TRHDE: variants seen among roughly 807,000 people sequenced by gnomAD.
TRHDE encodes thyrotropin releasing hormone degrading enzyme, also known as thyrotropin-releasing hormone-degrading ectoenzyme.
TRHDE carries 72 observed loss-of-function variants against 125.7 expected under a neutral mutation model. The observed-to-expected ratio is 0.57, with a 90% CI of 0.47 to 0.70. The LOEUF (loss-of-function observed/expected upper bound fraction) is 0.70, where lower values mean the gene tolerates loss of function less well. TRHDE is among the 30% of genes least tolerant of loss of function. The pLI is 0.00. For synonymous variants in TRHDE, 509 were observed against 509.1 expected, an observed-to-expected ratio of 1.00 and a Z score of 0.00; for missense variants, 1,110 against 1,327.1, an observed-to-expected ratio of 0.84 and a Z score of 2.54.
chr12:72,175,002 A>G (rs1876956423), intron 2 of TRHDE, among the ~76,000 whole-genome samples: 1 of 151,812 alleles, frequency 6.6e-6, no homozygotes, highest in Non-Finnish European at 1.5e-5. Context: ...TTGTGGTAAG[A>G]ACACAACCTG....
chr12:72,089,187 G>A (rs1874735525), intron 1 of TRHDE, among the ~76,000 whole-genome samples: 1 of 152,036 alleles, frequency 6.6e-6, no homozygotes, highest in African/African-American at 2.4e-5. Flanking sequence ...CCTAAAACCA[G>A]CCACTTCTCA....
chr12:72,259,118 T>C (rs553728771), intron 2 of TRHDE, among the ~76,000 whole-genome samples: 18 of 152,298 alleles, frequency 1.2e-4, no homozygotes, highest in Admixed American at 2.0e-4. Context: ...TTTATTGATG[T>C]CTTGCTTGAA....
intron 6 of TRHDE, among the ~76,000 whole-genome samples, chr12:72,504,146 ATCATTCTTTAGAGGAAGC>A (rs1878267018): frequency 6.6e-6 from 1 of 152,118 alleles, no homozygotes; most frequent in African/African-American, 2.4e-5. Flanking sequence ...AAACAAGAAA[ATCATTCTTTAGAGGAAGC>A]TCAGAAAAGA....
At chr12:72,110,112 T>C (rs537552715) in intron 2 of TRHDE, among the ~76,000 whole-genome samples, 15 of 152,204 alleles carry the variant, frequency 9.9e-5, no homozygotes, top group African/African-American at 3.4e-4. Context: ...ACACTATCAC[T>C]GGGAATCTGC....
intron 12 of TRHDE, among the ~76,000 whole-genome samples, chr12:72,603,130 A>G (rs749599286): frequency 2.2e-4 from 34 of 152,214 alleles, no homozygotes; most frequent in Non-Finnish European, 3.2e-4. Context: ...AATAAAGAAG[A>G]GATAAGGAAA....
At chr12:72,427,296 T>G (rs979472092) in intron 3 of TRHDE, among the ~76,000 whole-genome samples, 1 of 152,072 alleles carries the variant, frequency 6.6e-6, no homozygotes, top group Non-Finnish European at 1.5e-5. Flanking sequence ...GGGCCCTGAT[T>G]ATGGGCACTT....
chr12:72,599,806 A>G (rs1428470261), intron 12 of TRHDE, among the ~76,000 whole-genome samples: 2 of 152,000 alleles, frequency 1.3e-5, no homozygotes, highest in East Asian at 1.9e-4. Flanking sequence ...GATGTCCACA[A>G]TGGTGTTTTC....
At chr12:72,556,991 T>C (rs1444864349) in intron 7 of TRHDE, among the ~76,000 whole-genome samples, 3 of 152,174 alleles carry the variant, frequency 2.0e-5, no homozygotes, top group Non-Finnish European at 2.9e-5. Flanking sequence ...TTGTCCTCTC[T>C]TTTTTATTAG....
chr12:72,387,242 A>T (rs1475488546), intron 3 of TRHDE, among the ~76,000 whole-genome samples: 2 of 152,152 alleles, frequency 1.3e-5, no homozygotes, highest in Non-Finnish European at 2.9e-5. Context: ...TCTTGGCCTT[A>T]GATACTTTTT....
At chr12:72,310,853 T>C (rs148320356) in intron 2 of TRHDE, among the ~76,000 whole-genome samples, 1 of 152,272 alleles carries the variant, frequency 6.6e-6, no homozygotes, top group African/African-American at 2.4e-5. Context: ...CAAGAATTTA[T>C]TCATGTATAG....
intron 2 of TRHDE, chr12:72,257,148 A>G (rs1004302892): frequency 6.6e-6 from 1 of 152,160 alleles, no homozygotes; most frequent in South Asian, 2.1e-4. Context: ...GGAGAAAAGC[A>G]CCAGGCTATC....
intron 6 of TRHDE, among the ~76,000 whole-genome samples, chr12:72,525,936 ATT>A (rs35107968): frequency 7.8e-4 from 118 of 151,900 alleles, no homozygotes; most frequent in Admixed American, 7.5e-3. Flanking sequence ...TGTTTCAGTC[ATT>A]TTTTTCCCCT....
intron 3 of TRHDE, among the ~76,000 whole-genome samples, chr12:72,456,482 G>A (rs1029850104): frequency 6.6e-6 from 1 of 152,030 alleles, no homozygotes; most frequent in Non-Finnish European, 1.5e-5. Context: ...TAGTATATTA[G>A]GAGGACAAGA....
chr12:72,375,410 C>A (rs182531828), intron 2 of TRHDE, among the ~76,000 whole-genome samples: 1 of 152,146 alleles, frequency 6.6e-6, no homozygotes, highest in South Asian at 2.1e-4. Context: ...TGGATCATTT[C>A]CATTAAATCT....
chr12:72,573,913 TA>T (rs1345612404), intron 10 of TRHDE, among the ~76,000 whole-genome samples: 5 of 152,038 alleles, frequency 3.3e-5, no homozygotes, highest in Non-Finnish European at 7.4e-5. Flanking sequence ...ACACAATTTA[TA>T]AAGGTGGTGG....
At chr12:72,144,466 G>T (rs936633258) in intron 2 of TRHDE, among the ~76,000 whole-genome samples, 4 of 152,204 alleles carry the variant, frequency 2.6e-5, no homozygotes, top group African/African-American at 4.8e-5. Flanking sequence ...TAGTCTTTGA[G>T]GTTTTCTCTG....
chr12:72,589,378 T>C (rs184432494), intron 12 of TRHDE, among the ~76,000 whole-genome samples: 21 of 152,318 alleles, frequency 1.4e-4, no homozygotes, highest in Admixed American at 1.2e-3. Flanking sequence ...GGGATACATG[T>C]GCAGAACATG....
intron 3 of TRHDE, among the ~76,000 whole-genome samples, chr12:72,427,767 C>G (rs896112551): frequency 2.0e-5 from 3 of 152,122 alleles, no homozygotes; most frequent in Admixed American, 6.6e-5. Context: ...TGAGAGAGCC[C>G]TTTCTCTTTA....
intron 3 of TRHDE, among the ~76,000 whole-genome samples, chr12:72,444,523 G>T (rs748098861): frequency 5.1e-4 from 78 of 151,842 alleles, no homozygotes; most frequent in Admixed American, 9.2e-4. Context: ...ATTGAACCAA[G>T]AAGTACATCC....
Sources: gnomAD v4.1 joint callset for allele counts (sites outside exome capture counted in the v4.1 genomes callset) on GRCh38, gnomAD v4.1.1 for gene constraint, MANE v1.5 for transcripts, NCBI Gene and HGNC (gene_info 2026-07-23, HGNC 2026-07-21) for gene names.